Variants in AP3D1 observed in about 807,000 individuals in gnomAD.
AP3D1 encodes adaptor related protein complex 3 subunit delta 1.
A neutral mutation model predicts 147.6 loss-of-function variants in AP3D1; 51 were observed. The ratio of observed to expected loss-of-function variants is 0.35; its 90% CI spans 0.28 to 0.44. AP3D1 has a LOEUF of 0.44. Ranked by LOEUF, AP3D1 falls within the 20% of genes least tolerant of loss-of-function variation. The pLI is 1.00. For synonymous variants in AP3D1, 760 were observed against 663.0 expected, an observed-to-expected ratio of 1.15 and a Z score of -2.25; for missense variants, 1,421 against 1,624.2, an observed-to-expected ratio of 0.87 and a Z score of 2.15.
At chr19:2,124,948 C>T (rs530699341) in intron 9 of AP3D1, among the ~76,000 whole-genome samples, 1 of 152,128 alleles carries the variant, frequency 6.6e-6, no homozygotes, top group East Asian at 1.9e-4. Flanking sequence ...ATCCCCCCCA[C>T]CGCCCCAAAA....
chr19:2,111,361 G>A, intron 25 of AP3D1, 29 bp from the exon 26 acceptor site: 1 of 1,613,560 alleles, frequency 6.2e-7, no homozygotes, highest in Non-Finnish European at 8.5e-7. Flanking sequence ...CATCAGCCTT[G>A]GGGGCCCCGA....
At chr19:2,149,011 C>T (rs1007708685) in intron 1 of AP3D1, among the ~76,000 whole-genome samples, 1 of 152,118 alleles carries the variant, frequency 6.6e-6, no homozygotes, top group African/African-American at 2.4e-5. Context: ...GGAGGTACAA[C>T]TAGAACTGTC....
chr19:2,150,731 A>G (rs892328324), intron 1 of AP3D1, among the ~76,000 whole-genome samples: 1 of 152,218 alleles, frequency 6.6e-6, no homozygotes, highest in African/African-American at 2.4e-5. Flanking sequence ...GGGACGGCCC[A>G]GGACCCCCTG....
At chr19:2,141,944 A>G (rs117443676) in intron 1 of AP3D1, among the ~76,000 whole-genome samples, 6,106 of 149,538 alleles carry the variant, frequency 0.041, 191 homozygotes, top group East Asian at 0.14. Flanking sequence ...ATTTATATAT[A>G]TTTATTTTTG....
intron 1 of AP3D1, among the ~76,000 whole-genome samples, chr19:2,143,999 T>C (rs2019292217): frequency 6.7e-6 from 1 of 149,996 alleles, no homozygotes; most frequent in South Asian, 2.1e-4. Flanking sequence ...GGCAAGAGAA[T>C]CGCTTGCACC....
chr19:2,110,650 A>T (rs2018245199), intron 27 of AP3D1, 57 bp downstream of exon 27: 1 of 1,480,346 alleles, frequency 6.8e-7, no homozygotes, highest in Admixed American at 2.2e-5. Context: ...GGCAGTCACC[A>T]GCTGCCACTG....
chr19:2,126,701 ATGC>A (rs1445031750), intron 9 of AP3D1, among the ~76,000 whole-genome samples: 1 of 151,364 alleles, frequency 6.6e-6, no homozygotes, highest in Non-Finnish European at 1.5e-5. Flanking sequence ...TTTGTGGTAG[ATGC>A]TGCTATTTAA....
At chr19:2,105,821 C>T (rs989341323) in intron 31 of AP3D1, among the ~76,000 whole-genome samples, 2 of 152,142 alleles carry the variant, frequency 1.3e-5, no homozygotes, top group East Asian at 1.9e-4. Context: ...GTCAGCCGGG[C>T]GCGGGGGCTC....
chr19:2,119,148 G>A (rs552373931), intron 14 of AP3D1, among the ~76,000 whole-genome samples: 196 of 152,374 alleles, frequency 1.3e-3, no homozygotes, highest in African/African-American at 4.4e-3. Context: ...GGGAACAGAC[G>A]GAACCGGGAG....
chr19:2,155,531 C>CAA (rs60793261), upstream of AP3D1, among the ~76,000 whole-genome samples: 16,361 of 55,060 alleles, frequency 0.3, 2,565 homozygotes, highest in Non-Finnish European at 0.38. Flanking sequence ...GACTCTGTCT[C>CAA]AAAAAAAAAA....
chr19:2,117,060 G>A, intron 16 of AP3D1, 162 bp downstream of exon 16: 3 of 936,022 alleles, frequency 3.2e-6, no homozygotes, highest in South Asian at 1.9e-5. Flanking sequence ...GAACCAGTGA[G>A]AGACCTGGTG....
intron 16 of AP3D1, 146 bp downstream of exon 16, chr19:2,117,076 G>T: frequency 9.4e-7 from 1 of 1,058,810 alleles, no homozygotes; most frequent in Non-Finnish European, 1.3e-6. Context: ...TGGTGAGTCC[G>T]TGTGAGGGAT....
chr19:2,129,311 T>C lies in AP3D1; in HGVS notation c.732+7A>G. On this transcript the variant is annotated splice_region_variant and intron_variant, in intron 7 of 31. Transcript: ENST00000643116. ...GTGAGGAGGCCACATTCCCGGGCAG[T>C]ACTTGCCAGCTTGATGATCTTGATG... is the stretch of plus-strand genomic sequence containing the variant. 6.2e-7 allele frequency: 1 copy of C among 1,613,692 alleles called. No individual in the cohort carries two copies. The highest frequency in any genetic ancestry group is 8.5e-7 in the Non-Finnish European group (1 of 1,179,976).
rs369505382 is a variant in AP3D1, at chr19:2,102,182, G to C, written c.3639C>G (p.Ala1213=). ...NLLEEMKATL[A]KC ...GGCTCGCAGGCAGCTCTCAACACTT[G>C]GCCAGCGTCGCCTTCATCTCTTCTA... is the stretch of plus-strand genomic sequence containing the variant. The change falls in exon 32 of 32, where the codon GCC becomes GCG. Residue 1213 remains alanine, a synonymous_variant. Coordinates refer to ENST00000643116, the MANE Select transcript of AP3D1 (RefSeq NM_001261826.3). The C allele has an allele frequency of 1.2e-6, 2 of 1,613,542 alleles. No homozygotes were observed. The highest frequency in any genetic ancestry group is 1.7e-6 in the Non-Finnish European group (2 of 1,179,688).
chr19:2,113,102 G>A (rs1019061288), intron 23 of AP3D1, 135 bp from the exon 24 acceptor site: 41 of 670,564 alleles, frequency 6.1e-5, no homozygotes, highest in Non-Finnish European at 1.0e-4. Context: ...CCCTCCGAGT[G>A]ACAGGGAGCC....
chr19:2,130,760 T>C (rs867636174), intron 5 of AP3D1, among the ~76,000 whole-genome samples: 2 of 152,206 alleles, frequency 1.3e-5, no homozygotes, highest in African/African-American at 2.4e-5. Context: ...TCTTCCCTTG[T>C]GGCCTTCCTG....
intron 8 of AP3D1, among the ~76,000 whole-genome samples, chr19:2,127,587 C>T (rs574650032): frequency 5.3e-5 from 8 of 152,322 alleles, no homozygotes; most frequent in Admixed American, 2.0e-4. Flanking sequence ...TGCAATGGCG[C>T]GGCCTCGGCT....
rs755932857 is a variant in AP3D1, at chr19:2,129,190, C to A, written c.733-27G>T. 1.9e-6 allele frequency: 3 copies of A among 1,606,992 alleles called. No individual in the cohort carries two copies. In the East Asian group the frequency reaches 6.7e-5, roughly 36 times the overall value. On this transcript the variant is annotated intron_variant, in intron 7 of 31. Coordinates refer to ENST00000643116, the MANE Select transcript of AP3D1 (RefSeq NM_001261826.3). ...TGTGGGGACAGCAGGGCCTCGGTCA[C>A]CCGCAGGGAATGCCCCACGCAGGGT...
chr19:2,132,357 C>T (rs1353266464), intron 5 of AP3D1, 114 bp downstream of exon 5: 14 of 899,624 alleles, frequency 1.6e-5, no homozygotes, highest in Middle Eastern at 2.3e-4. Context: ...AGGCAGGCCA[C>T]GCACCGGGGA....
Sources: allele counts gnomAD v4.1 joint callset (sites outside exome capture counted in the v4.1 genomes callset), GRCh38; gene constraint gnomAD v4.1.1; transcripts MANE v1.5; gene names NCBI Gene and HGNC (gene_info 2026-07-23, HGNC 2026-07-21).